PCM1: variants seen among roughly 807,000 people sequenced by gnomAD.
The protein encoded by PCM1 is pericentriolar material 1.
A neutral mutation model predicts 241.9 loss-of-function variants in PCM1; 157 were observed. That is an observed-to-expected ratio of 0.65 (90% CI 0.57 to 0.74). PCM1 has a LOEUF of 0.74. Ranked by LOEUF, PCM1 falls within the 30% of genes least tolerant of loss-of-function variation. PCM1 has a pLI of 0.00. For missense variants in PCM1, 3,478 were observed against 2,360.1 expected (o/e 1.47, Z -9.81); for synonymous variants, 1,085 against 784.9 (o/e 1.38, Z -6.39).
At chr8:17,976,034 G>A (rs553020010) in intron 23 of PCM1, among the ~76,000 whole-genome samples, 74 of 152,256 alleles carry the variant, frequency 4.9e-4, no homozygotes, top group African/African-American at 1.6e-3. Flanking sequence ...GAACTGTTAA[G>A]GTACAGCCTT....
Position 18,014,660 on chromosome 8 carries a change from C to T in PCM1, c.5661C>T (p.Ala1887=). 6.2e-7 allele frequency: 1 copy of T among 1,613,374 alleles called. No individual in the cohort carries two copies. The highest frequency in any genetic ancestry group is 1.1e-5 in the South Asian group (1 of 91,064). Residue 1887 remains alanine (A), a synonymous_variant, in exon 36 of 39, where the codon GCC becomes GCT. Transcript: ENST00000325083. ...ATGAGCAACCTTTAAATAGTGCTGC[C>T]CATAAGGAGTCACCTCCTACTGTTG... The part of the protein sequence containing the change: ...LEDEQPLNSA[A]HKESPPTVDS...
intron 22 of PCM1, among the ~76,000 whole-genome samples, chr8:17,970,777 T>C (rs1176153334): frequency 6.6e-6 from 1 of 152,208 alleles, no homozygotes; most frequent in East Asian, 1.9e-4. Flanking sequence ...GGTTTTAAAT[T>C]ATTTATATCA....
chr8:17,964,609 A>G lies in PCM1; in HGVS notation c.2696A>G (p.Asp899Gly). 3 of 1,613,918 alleles carry G rather than the reference A, an allele frequency of 1.9e-6. No homozygotes were observed. Among genetic ancestry groups the G allele is most frequent in the Non-Finnish European group, 2.5e-6 (3 of 1,179,844 alleles). ...GGAGGGTCTACCCAGTGTGCACTAG[A>G]TGAAGAAGGAGATGAAGACGGTTAC... ...TWGGSTQCALDEEGDEDGYLS... is the reference protein window; with the variant it reads ...TWGGSTQCALGEEGDEDGYLS... Residue 899 changes from aspartate (D) to glycine (G), a missense_variant, in exon 18 of 39, where the codon GAT becomes GGT. By Grantham distance (94) the Asp-to-Gly change is moderately conservative. Coordinates refer to ENST00000325083, the MANE Select transcript of PCM1 (RefSeq NM_006197.4).
At chr8:17,942,791 C>G (rs562660386) in intron 6 of PCM1, among the ~76,000 whole-genome samples, 7 of 152,152 alleles carry the variant, frequency 4.6e-5, no homozygotes, top group African/African-American at 1.7e-4. Flanking sequence ...GTCAGGAGAT[C>G]GAGACCAGTC....
At chr8:17,957,857 G>C (rs2069359024) in intron 13 of PCM1, 82 bp downstream of exon 13, 1 of 927,742 alleles carries the variant, frequency 1.1e-6, no homozygotes, top group African/African-American at 1.7e-5. Flanking sequence ...AATTACTTTG[G>C]TTTAATTATA....
chr8:18,016,465 T>G (rs1258130363), intron 36 of PCM1, among the ~76,000 whole-genome samples: 3 of 146,494 alleles, frequency 2.0e-5, no homozygotes, highest in Admixed American at 6.8e-5. Flanking sequence ...GTGGAGAAGT[T>G]TTAATCTAGA....
At chr8:17,966,621 C>A in intron 20 of PCM1, 148 bp downstream of exon 20, 1 of 641,466 alleles carries the variant, frequency 1.6e-6, no homozygotes, top group Non-Finnish European at 2.6e-6. Context: ...GGTGATTTAC[C>A]TAATGTTTCC....
rs771101415 is a variant in PCM1 at position 17,960,196 on chromosome 8, T to C, written c.2192+31T>C. The stretch of plus-strand genomic sequence containing the variant: ...TTAAGCTTTTGGCCTTCATTTAATA[T>C]AATAAAAATTTAGTGCCTGTTTTGG... On this transcript the variant is annotated intron_variant, in intron 14 of 38. Transcript: ENST00000325083. 3.0e-5 allele frequency: 47 copies of C among 1,547,516 alleles called. No individual in the cohort carries two copies. In the South Asian group the frequency reaches 5.6e-4, roughly 18 times the overall value.
chr8:17,923,638 T>A (rs1192186284), intron 1 of PCM1, among the ~76,000 whole-genome samples: 1 of 151,698 alleles, frequency 6.6e-6, no homozygotes, highest in Non-Finnish European at 1.5e-5. Context: ...ACTCTCGGTG[T>A]CCAGAGTTTG....
Position 17,955,649 on chromosome 8 carries a change from C to T in PCM1, c.1468C>T (p.Leu490Phe). The T allele has an allele frequency of 2.5e-6, 4 of 1,608,506 alleles. No individual in the cohort carries two copies. The highest frequency in any genetic ancestry group is 3.4e-6 in the Non-Finnish European group (4 of 1,175,086). Residue 490 changes from leucine (L) to phenylalanine (F), a missense_variant, in exon 10 of 39, where the codon CTC (leucine) becomes TTC (phenylalanine). Coordinates refer to ENST00000325083, the MANE Select transcript of PCM1 (RefSeq NM_006197.4). ...NEGHLNPSEK[L>F]QKLNEVRKRL... is the part of the protein sequence containing the mutation. Reference sequence around the variant, plus strand: ...AGGCCACCTCAATCCATCTGAAAAACTCCAGTAAAACATTTATAATCATTG... The same window carrying T: ...AGGCCACCTCAATCCATCTGAAAAATTCCAGTAAAACATTTATAATCATTG...
In PCM1 at chr8:17,969,583, A is replaced by T. The variant is rs764517400; in HGVS notation, c.3419A>T (p.Asn1140Ile). The change falls in exon 22 of 39, where the codon AAT (asparagine) becomes ATT (isoleucine). Residue 1140 changes from asparagine to isoleucine, a missense_variant. By Grantham distance (149) the Asn-to-Ile change is moderately radical. Transcript: ENST00000325083. ...TNFSSFAPGM[N>I]FSPLFPSNFG... ...CATTGCTTTTACTGATTAGGTATGAATTTCAGCCCTTTATTTCCTTCTAAT... is the reference window on the plus strand; with the variant it reads ...CATTGCTTTTACTGATTAGGTATGATTTTCAGCCCTTTATTTCCTTCTAAT... The T allele has an allele frequency of 6.2e-7, 1 of 1,600,788 alleles. No homozygotes were observed. Among genetic ancestry groups the T allele is most frequent in the Non-Finnish European group, 8.5e-7 (1 of 1,173,308 alleles).
At position 17,952,958 on chromosome 8, in the gene PCM1, T is replaced by C; in HGVS notation, c.1072-12T>C. 6.6e-7 allele frequency: 1 copy of C among 1,504,462 alleles called. No individual in the cohort carries two copies. Among genetic ancestry groups the C allele is most frequent in the Non-Finnish European group, 8.9e-7 (1 of 1,118,986 alleles). 93.2% of individuals were successfully genotyped at this position (1,504,462 alleles called of 1,614,324 possible). On this transcript the variant is annotated splice_polypyrimidine_tract_variant and intron_variant, in intron 8 of 38. Coordinates refer to ENST00000325083, the MANE Select transcript of PCM1 (RefSeq NM_006197.4). ...TCTTAATTCTTCTTTTTTGTTGTTTTTTTTTAATAAGCCTCCAGCTGTTCC... is the reference window on the plus strand; with the variant it reads ...TCTTAATTCTTCTTTTTTGTTGTTTCTTTTTAATAAGCCTCCAGCTGTTCC...
At chr8:17,973,521 C>T (rs953416345) in intron 23 of PCM1, among the ~76,000 whole-genome samples, 5 of 151,954 alleles carry the variant, frequency 3.3e-5, no homozygotes, top group African/African-American at 7.3e-5. Flanking sequence ...GAGTTTGAGA[C>T]CAGCCTGACC....
intron 31 of PCM1, among the ~76,000 whole-genome samples, chr8:18,010,076 G>C (rs921424166): frequency 1.3e-5 from 2 of 152,194 alleles, no homozygotes; most frequent in African/African-American, 4.8e-5. Context: ...TGCCATGTCT[G>C]TTATTGATCC....
chr8:17,980,484 C>G (rs1465682871), intron 23 of PCM1, 107 bp from the exon 24 acceptor site: 2 of 816,150 alleles, frequency 2.5e-6, no homozygotes, highest in African/African-American at 3.5e-5. Context: ...CCAGGCCTTC[C>G]TAGCATTGTA....
At chr8:17,950,756 A>G (rs759375122) in intron 8 of PCM1, 32 bp downstream of exon 8, 2 of 1,137,520 alleles carry the variant, frequency 1.8e-6, no homozygotes, top group Admixed American at 2.0e-5. Context: ...AGTTGAGTTT[A>G]AAAAATCACA....
chr8:17,974,603 C>T (rs1346350111), intron 23 of PCM1, among the ~76,000 whole-genome samples: 4 of 152,088 alleles, frequency 2.6e-5, no homozygotes, highest in Admixed American at 2.6e-4. Context: ...GGAACCTTAG[C>T]TAATTTATGG....
At position 18,014,734 on chromosome 8, in the gene PCM1, A is replaced by C; in HGVS notation, c.5735A>C (p.Glu1912Ala). ...TTGCCGTTACGTTTACCTGAAATGG[A>C]ACCCTTAGTGCCTAGAGTCAAAGAA... Reference protein sequence around the residue: ...NPLPLRLPEMEPLVPRVKEVK... With the variant: ...NPLPLRLPEMAPLVPRVKEVK... Residue 1912 changes from glutamate (E) to alanine (A), a missense_variant, in exon 36 of 39, where the codon GAA becomes GCA. By Grantham distance (107) the Glu-to-Ala change is moderately radical. Coordinates refer to ENST00000325083, the MANE Select transcript of PCM1 (RefSeq NM_006197.4). The C allele has an allele frequency of 6.2e-7, 1 of 1,613,082 alleles. No individual in the cohort carries two copies. The highest frequency in any genetic ancestry group is 1.1e-5 in the South Asian group (1 of 91,030).
intron 15 of PCM1, 120 bp downstream of exon 15, chr8:17,960,564 G>C: frequency 1.8e-6 from 1 of 559,680 alleles, no homozygotes; most frequent in Non-Finnish European, 2.7e-6. Context: ...TCACTCTGTT[G>C]CCCAGGCTGA....
Sources: gnomAD v4.1 joint callset for allele counts (sites outside exome capture counted in the v4.1 genomes callset) on GRCh38, gnomAD v4.1.1 for gene constraint, MANE v1.5 for transcripts, NCBI Gene and HGNC (gene_info 2026-07-23, HGNC 2026-07-21) for gene names.